FAF1: variants seen among roughly 807,000 people sequenced by gnomAD.
FAF1 encodes Fas associated factor 1, also known as FAS-associated factor 1.
FAF1 carries 25 observed loss-of-function variants against 92.5 expected under a neutral mutation model. That is an observed-to-expected ratio of 0.27 (90% CI 0.20 to 0.38). The LOEUF is 0.38. Among genes scored for constraint, FAF1 ranks in the 10% least tolerant of loss-of-function variants. The pLI is 1.00. For synonymous variants in FAF1, 234 were observed against 273.2 expected (o/e 0.86, Z 1.42); for missense variants, 636 against 793.3 (o/e 0.80, Z 2.38).
At chr1:50,580,114 TAA>T (rs1188298692) in intron 12 of FAF1, among the ~76,000 whole-genome samples, 1 of 152,134 alleles carries the variant, frequency 6.6e-6, no homozygotes, top group Non-Finnish European at 1.5e-5. Flanking sequence ...CTGTGCAGTT[TAA>T]GTTTCAATAA....
rs374924901 is a variant in FAF1, at chr1:50,898,956, A to G, written c.46-40959T>C. 1.8e-4 allele frequency among the ~76,000 whole-genome samples: 28 copies of G among 152,092 alleles called. No homozygotes were observed. The South Asian group carries it at 4.6e-3, about 25-fold the overall frequency. Reference sequence around the variant, plus strand: ...ATATTTTTGTCTTCTCTCCCCTCCCATTTCTGCCTTCTGCAGATTCCAATT... The same window carrying G: ...ATATTTTTGTCTTCTCTCCCCTCCCGTTTCTGCCTTCTGCAGATTCCAATT... On this transcript the variant is annotated intron_variant, in intron 1 of 18. Coordinates refer to ENST00000396153, the MANE Select transcript of FAF1 (RefSeq NM_007051.3).
chr1:50,752,220 C>T (rs970593883), intron 4 of FAF1, among the ~76,000 whole-genome samples: 11 of 152,134 alleles, frequency 7.2e-5, no homozygotes, highest in African/African-American at 2.4e-4. Flanking sequence ...AGCTGCCCAC[C>T]TTGGCCTCCC....
At chr1:50,490,447 GGAA>G in intron 17 of FAF1, 138 bp downstream of exon 17, 1 of 325,282 alleles carries the variant, frequency 3.1e-6, no homozygotes, top group South Asian at 3.3e-5. Flanking sequence ...AAGGAAGGAA[GGAA>G]GGAAGGAAGG....
At chr1:50,859,389 A>G (rs1214351945) in intron 1 of FAF1, among the ~76,000 whole-genome samples, 1 of 151,600 alleles carries the variant, frequency 6.6e-6, no homozygotes, top group South Asian at 2.1e-4. Context: ...AGGATCCTGG[A>G]ACCGATAACT....
chr1:50,495,374 G>A (rs918776289), intron 15 of FAF1, among the ~76,000 whole-genome samples: 1 of 152,076 alleles, frequency 6.6e-6, no homozygotes, highest in African/African-American at 2.4e-5. Flanking sequence ...TTGTAGTTCT[G>A]TGCCTCACTT....
intron 15 of FAF1, among the ~76,000 whole-genome samples, chr1:50,529,252 A>G (rs1648007839): frequency 6.6e-6 from 1 of 152,208 alleles, no homozygotes; most frequent in Non-Finnish European, 1.5e-5. Context: ...CATTTTGGGA[A>G]GCTAAGAATA....
chr1:50,643,077 G>T (rs1306473098), intron 8 of FAF1, among the ~76,000 whole-genome samples: 1 of 152,150 alleles, frequency 6.6e-6, no homozygotes, highest in Non-Finnish European at 1.5e-5. Context: ...TGATCCGCCC[G>T]CCTCGGCCTC....
intron 4 of FAF1, among the ~76,000 whole-genome samples, chr1:50,745,814 G>A (rs1659564092): frequency 6.6e-6 from 1 of 152,098 alleles, no homozygotes. Flanking sequence ...TGAAAAGTGG[G>A]GCATTGCTAT....
At chr1:50,760,093 A>G (rs1281547018) in intron 4 of FAF1, among the ~76,000 whole-genome samples, 2 of 151,992 alleles carry the variant, frequency 1.3e-5, no homozygotes, top group Non-Finnish European at 2.9e-5. Flanking sequence ...TCAGATGAGT[A>G]GGTTGCATAC....
At chr1:50,457,491 C>G (rs78176135) in intron 18 of FAF1, among the ~76,000 whole-genome samples, 1 of 152,046 alleles carries the variant, frequency 6.6e-6, no homozygotes, top group Admixed American at 6.5e-5. Flanking sequence ...GTGAGCAAAG[C>G]GTGTCTGCGA....
chr1:50,957,347 CT>C (rs1188286312), intron 1 of FAF1, among the ~76,000 whole-genome samples: 6,562 of 103,584 alleles, frequency 0.063, 85 homozygotes, highest in African/African-American at 0.094. Flanking sequence ...TTTTCATTTT[CT>C]TTTTTTTTTT....
At chr1:50,535,030 G>A (rs946225466) in intron 15 of FAF1, among the ~76,000 whole-genome samples, 2 of 152,120 alleles carry the variant, frequency 1.3e-5, no homozygotes, top group Non-Finnish European at 2.9e-5. Context: ...CCATAAAACT[G>A]AGTGATAAAA....
chr1:50,655,969 G>A (rs1481785634), intron 7 of FAF1, among the ~76,000 whole-genome samples: 1 of 152,168 alleles, frequency 6.6e-6, no homozygotes, highest in African/African-American at 2.4e-5. Context: ...AAGGGGGGCA[G>A]GGGAGGAAAA....
At chr1:50,645,728 T>C (rs1654546308) in intron 8 of FAF1, among the ~76,000 whole-genome samples, 1 of 151,680 alleles carries the variant, frequency 6.6e-6, no homozygotes, top group South Asian at 2.1e-4. Flanking sequence ...CTCGGGAGGC[T>C]GAGGAAGGAG....
chr1:50,452,233 C>A, intron 18 of FAF1: 1 of 1,102,982 alleles, frequency 9.1e-7, no homozygotes, highest in Non-Finnish European at 1.2e-6. Context: ...GAAAGTCCCG[C>A]TTTACAGAAC....
intron 7 of FAF1, among the ~76,000 whole-genome samples, chr1:50,667,870 T>C (rs1655703157): frequency 6.6e-6 from 1 of 152,192 alleles, no homozygotes; most frequent in Non-Finnish European, 1.5e-5. Flanking sequence ...AGAACCATCT[T>C]TATATTTTGA....
chr1:50,830,817 C>G (rs750545669), intron 2 of FAF1, among the ~76,000 whole-genome samples: 1 of 151,966 alleles, frequency 6.6e-6, no homozygotes, highest in Non-Finnish European at 1.5e-5. Flanking sequence ...GCCAACTGAT[C>G]CCAAATGAAC....
intron 1 of FAF1, among the ~76,000 whole-genome samples, chr1:50,930,506 TAAC>T (rs1645039124): frequency 6.6e-6 from 1 of 152,184 alleles, no homozygotes; most frequent in South Asian, 2.1e-4. Context: ...ACAATGGTAA[TAAC>T]AACAATCTTG....
chr1:50,524,893 T>C (rs75029011), intron 15 of FAF1, among the ~76,000 whole-genome samples: 1 of 146,996 alleles, frequency 6.8e-6, no homozygotes, highest in Non-Finnish European at 1.5e-5. Flanking sequence ...CCCATATGAA[T>C]TTTTTTTTTT....
Sources: gnomAD v4.1 joint callset for allele counts (sites outside exome capture counted in the v4.1 genomes callset) on GRCh38, gnomAD v4.1.1 for gene constraint, MANE v1.5 for transcripts, NCBI Gene and HGNC (gene_info 2026-07-23, HGNC 2026-07-21) for gene names.